FKTN: variants seen among roughly 807,000 people sequenced by gnomAD.
FKTN encodes the protein ribitol-5-phosphate transferase FKTN.
A neutral mutation model predicts 58.6 loss-of-function variants in FKTN; 47 were observed. The observed-to-expected ratio is 0.80, with a 90% CI of 0.63 to 1.02. FKTN has a LOEUF of 1.02. Ranked by LOEUF, FKTN falls within the 50% of genes least tolerant of loss-of-function variation. FKTN has a pLI of 0.00. For missense variants in FKTN, 516 were observed against 537.3 expected (o/e 0.96, Z 0.39); for synonymous variants, 178 against 191.9 (o/e 0.93, Z 0.60).
At chr9:105,579,984 G>A (rs1342467537) in intron 3 of FKTN, among the ~76,000 whole-genome samples, 2 of 151,628 alleles carry the variant, frequency 1.3e-5, no homozygotes, top group Non-Finnish European at 2.9e-5. Flanking sequence ...AACTAGGATT[G>A]CAACCCCTGC....
chr9:105,604,060 A>C (rs1349084609), intron 5 of FKTN, among the ~76,000 whole-genome samples, 155 bp from the exon 6 acceptor site: 3 of 151,978 alleles, frequency 2.0e-5, no homozygotes, highest in Non-Finnish European at 2.9e-5. Context: ...TCTGCCCATC[A>C]CCCTCATTAA....
At chr9:105,594,174 A>G (rs1464564182) in intron 3 of FKTN, among the ~76,000 whole-genome samples, 2 of 152,226 alleles carry the variant, frequency 1.3e-5, no homozygotes, top group Non-Finnish European at 2.9e-5. Flanking sequence ...GGCCTTAGAT[A>G]GGAACATAGA....
At chr9:105,610,113 T>C (rs904271111) in intron 7 of FKTN, among the ~76,000 whole-genome samples, 2 of 151,216 alleles carry the variant, frequency 1.3e-5, no homozygotes, top group Admixed American at 6.6e-5. Flanking sequence ...CCTTTTGACT[T>C]GTCTCCGTTG....
At chr9:105,612,897 G>A (rs1830181920) in intron 7 of FKTN, among the ~76,000 whole-genome samples, 1 of 152,090 alleles carries the variant, frequency 6.6e-6, no homozygotes, top group Non-Finnish European at 1.5e-5. Flanking sequence ...CCCAGGAGGT[G>A]GAGGTTGCAG....
chr9:105,575,055 T>G lies in FKTN; in HGVS notation c.23T>G (p.Val8Gly), dbSNP rs755870328. 4.4e-6 allele frequency: 7 copies of G among 1,605,904 alleles called. No individual in the cohort carries two copies. Among genetic ancestry groups the G allele is most frequent in the Admixed American group, 1.7e-5 (1 of 59,996 alleles). The part of the protein sequence containing the change: MSRINKN[V>G]VLALLTLTSS... ...CTAATGAGTAGAATCAATAAGAACGTGGTTTTGGCCCTTTTAACGCTGACA... is the reference window on the plus strand; with the variant it reads ...CTAATGAGTAGAATCAATAAGAACGGGGTTTTGGCCCTTTTAACGCTGACA... The change falls in exon 3 of 11, where the codon GTG (valine) becomes GGG (glycine). Residue 8 changes from valine to glycine, a missense_variant. Val to Gly is a moderately radical substitution (Grantham distance 109). Coordinates refer to ENST00000357998, the MANE Select transcript of FKTN (RefSeq NM_001079802.2).
At chr9:105,611,935 C>T (rs12002748) in intron 7 of FKTN, among the ~76,000 whole-genome samples, 16,997 of 152,120 alleles carry the variant, frequency 0.11, 1,375 homozygotes, top group African/African-American at 0.23. Context: ...CACTGTCTTC[C>T]ACAATGGTTG....
At chr9:105,582,071 C>T (rs1380559943) in intron 3 of FKTN, among the ~76,000 whole-genome samples, 3 of 152,144 alleles carry the variant, frequency 2.0e-5, no homozygotes, top group Admixed American at 6.5e-5. Flanking sequence ...CTGTCTGGCA[C>T]TCCCTAGTGA....
In FKTN at chr9:105,614,601, T is replaced by C. The variant is rs1464063081; in HGVS notation, c.781-677T>C. Reference sequence around the variant, plus strand: ...TAGAATCACTGAATGGTGAAAACATTATTAAATTCTTTTTGTTTCAGCTAT... The same window carrying C: ...TAGAATCACTGAATGGTGAAAACATCATTAAATTCTTTTTGTTTCAGCTAT... On this transcript the variant is annotated intron_variant, in intron 7 of 10. Transcript: ENST00000357998. Among the ~76,000 whole-genome samples, 4 of 152,188 alleles carry C rather than the reference T, an allele frequency of 2.6e-5. No homozygotes were observed. The East Asian group carries it at 7.7e-4, about 29-fold the overall frequency.
chr9:105,620,157 C>CT, intron 10 of FKTN, 96 bp downstream of exon 10: 1 of 1,015,108 alleles, frequency 9.9e-7, no homozygotes, highest in South Asian at 1.4e-5. Context: ...CCAAAAATCT[C>CT]TTTCAAGACT....
intron 1 of FKTN, among the ~76,000 whole-genome samples, chr9:105,564,260 C>T (rs1413703120): frequency 6.6e-6 from 1 of 152,216 alleles, no homozygotes; most frequent in Admixed American, 6.5e-5. Context: ...TCCAAAGGAA[C>T]GCAGCTCCTC....
chr9:105,627,937 G>C (rs963442989), intron 10 of FKTN, among the ~76,000 whole-genome samples: 2 of 152,114 alleles, frequency 1.3e-5, no homozygotes, highest in Admixed American at 6.6e-5. Flanking sequence ...GGTGACACTG[G>C]GTTGATGACT....
chr9:105,613,956 A>G (rs535683093), intron 7 of FKTN, among the ~76,000 whole-genome samples: 8 of 152,332 alleles, frequency 5.3e-5, no homozygotes, highest in African/African-American at 1.4e-4. Flanking sequence ...GATCAGGGCC[A>G]TATCAGACAA....
intron 1 of FKTN, among the ~76,000 whole-genome samples, chr9:105,560,309 G>A (rs1019858403): frequency 6.6e-6 from 1 of 152,090 alleles, no homozygotes; most frequent in African/African-American, 2.4e-5. Context: ...TTATTAAAAT[G>A]TAGATTATGA....
chr9:105,568,466 C>A lies in FKTN; in HGVS notation c.-180-5189C>A, dbSNP rs566325962. ...TACAAGAAAAAAACAACCCCATCAACAAGTGGGCAAAGGATATGAACAGAC... is the reference window on the plus strand; with the variant it reads ...TACAAGAAAAAAACAACCCCATCAAAAAGTGGGCAAAGGATATGAACAGAC... On this transcript the variant is annotated intron_variant, in intron 1 of 10. Transcript: ENST00000357998. Among the ~76,000 whole-genome samples, 1,364 of 152,016 alleles carry A rather than the reference C, an allele frequency of 9.0e-3. 21 individuals are homozygous for A. Among genetic ancestry groups the A allele is most frequent in the African/African-American group, 0.031 (1,302 of 41,474 alleles).
intron 10 of FKTN, among the ~76,000 whole-genome samples, chr9:105,622,146 T>C (rs926540955): frequency 1.3e-5 from 2 of 152,078 alleles, no homozygotes; most frequent in South Asian, 4.1e-4. Flanking sequence ...TTACTTGTAA[T>C]CAGTAACTAA....
intron 7 of FKTN, among the ~76,000 whole-genome samples, chr9:105,612,641 CT>C (rs1359087789): frequency 2.0e-5 from 3 of 152,152 alleles, no homozygotes; most frequent in Admixed American, 2.0e-4. Flanking sequence ...CATGTATGCA[CT>C]TTAACACATA....
Position 105,615,225 on chromosome 9 carries a change from T to G in FKTN, c.781-53T>G, listed in dbSNP as rs1030063443. The G allele has an allele frequency of 3.7e-5, 58 of 1,587,932 alleles. No individual in the cohort carries two copies. The African/African-American group carries it at 7.3e-4, about 20-fold the overall frequency. ...ATTTAATTCAGATGCCACAGAAAGG[T>G]TCCTAGCAATTTAGAAATGGCTGTA... On this transcript the variant is annotated intron_variant, in intron 7 of 10. Transcript: ENST00000357998.
At position 105,640,780 on chromosome 9, in the gene FKTN, A is replaced by G. The variant is rs1834370105; in HGVS notation, c.*5516A>G. 1.3e-5 allele frequency: 2 copies of G among 152,284 alleles called. No individual in the cohort carries two copies. Among genetic ancestry groups the G allele is most frequent in the South Asian group, 4.1e-4 (2 of 4,826 alleles). 9.4% of individuals were successfully genotyped at this position (152,284 alleles called of 1,614,324 possible). A position where few individuals can be genotyped will look rare whatever the true frequency, so the allele number is the denominator to read the frequency against. On this transcript the variant is annotated 3_prime_UTR_variant, in exon 11 of 11. Coordinates refer to ENST00000357998, the MANE Select transcript of FKTN (RefSeq NM_001079802.2). ...GCTATTGGAAATGAAATATTGTTTCATGCACCTTTGAAAAAAATAACAGGA... is the reference window on the plus strand; with the variant it reads ...GCTATTGGAAATGAAATATTGTTTCGTGCACCTTTGAAAAAAATAACAGGA...
At chr9:105,598,007 T>C (rs757583436) in intron 4 of FKTN, 1 of 355,800 alleles carries the variant, frequency 2.8e-6, no homozygotes, top group East Asian at 8.3e-5. Flanking sequence ...CACTGATACA[T>C]TTTAAAATGG....
Sources: gnomAD v4.1 joint callset for allele counts (sites outside exome capture counted in the v4.1 genomes callset) on GRCh38, gnomAD v4.1.1 for gene constraint, MANE v1.5 for transcripts, NCBI Gene and HGNC (gene_info 2026-07-23, HGNC 2026-07-21) for gene names.